Variants in RIN2 observed in about 807,000 individuals in gnomAD.
The protein encoded by RIN2 is Ras and Rab interactor 2.
RIN2 carries 36 observed loss-of-function variants against 78.0 expected under a neutral mutation model. The ratio of observed to expected loss-of-function variants is 0.46; its 90% CI spans 0.35 to 0.61. RIN2 has a LOEUF of 0.61. Among genes scored for constraint, RIN2 ranks in the 20% least tolerant of loss-of-function variants. The pLI is 0.00. For synonymous variants in RIN2, 466 were observed against 466.8 expected (o/e 1.00, Z 0.02); for missense variants, 1,087 against 1,159.7 (o/e 0.94, Z 0.91).
intron 2 of RIN2, among the ~76,000 whole-genome samples, chr20:19,874,343 C>T (rs1287712708): frequency 6.6e-6 from 1 of 152,172 alleles, no homozygotes; most frequent in African/African-American, 2.4e-5. Context: ...TGACCAGGGG[C>T]TAGCAGGAAC....
intron 1 of RIN2, among the ~76,000 whole-genome samples, chr20:19,769,158 G>A (rs2034016069): frequency 6.6e-6 from 1 of 152,148 alleles, no homozygotes; most frequent in South Asian, 2.1e-4. Flanking sequence ...CTGACCTCAG[G>A]TGATCCACGC....
intron 1 of RIN2, among the ~76,000 whole-genome samples, chr20:19,787,657 A>G (rs889587173): frequency 6.6e-6 from 1 of 152,134 alleles, no homozygotes; most frequent in East Asian, 1.9e-4. Context: ...CAAGGATTGG[A>G]TGAAATAATA....
rs775991586 is a variant in RIN2, at chr20:19,950,884, CTT to C, written c.159-5717_159-5716del. ...GCACACCCCACTGTGCCTGGCTAACCTTTTTTTTTTTTTTTCTTTTTTTGGGA... is the reference window on the plus strand; with the variant it reads ...GCACACCCCACTGTGCCTGGCTAACCTTTTTTTTTTTTTCTTTTTTTGGGA... On this transcript the variant is annotated intron_variant, in intron 4 of 12. Coordinates refer to ENST00000255006, the MANE Select transcript of RIN2 (RefSeq NM_018993.4). Among the ~76,000 whole-genome samples, 6 of 116,516 alleles carry C rather than the reference CTT, an allele frequency of 5.1e-5. No homozygotes were observed. The South Asian group carries it at 1.4e-3, about 26-fold the overall frequency. The allele number at this position is 116,516 out of a possible 152,430, so 76.4% of individuals were successfully genotyped here. A position where few individuals can be genotyped will look rare whatever the true frequency, so the allele number is the denominator to read the frequency against.
rs564713068 is a variant in RIN2, at chr20:19,972,960, T to C, written c.629-1694T>C. 2.0e-5 allele frequency among the ~76,000 whole-genome samples: 3 copies of C among 152,306 alleles called. No homozygotes were observed. In the South Asian group the frequency reaches 6.2e-4, roughly 32 times the overall value. On this transcript the variant is annotated intron_variant, in intron 8 of 12. Transcript: ENST00000255006. Reference sequence around the variant, plus strand: ...CATTATAATTTCTACATGCAGCCAATATAAAAAATTTTAAGGTATGAAATG... The same window carrying C: ...CATTATAATTTCTACATGCAGCCAACATAAAAAATTTTAAGGTATGAAATG...
At chr20:19,760,567 A>G (rs868588706) in intron 1 of RIN2, among the ~76,000 whole-genome samples, 1 of 152,106 alleles carries the variant, frequency 6.6e-6, no homozygotes. Context: ...CAGGACTTCC[A>G]CTTTCCAGAA....
intron 1 of RIN2, among the ~76,000 whole-genome samples, chr20:19,783,513 C>A (rs1469747670): frequency 6.6e-6 from 1 of 152,152 alleles, no homozygotes; most frequent in Non-Finnish European, 1.5e-5. Context: ...CCTGTCCAGG[C>A]AAAGGCTCTG....
In RIN2 at chr20:19,975,410, A is replaced by G; in HGVS notation, c.1385A>G (p.Glu462Gly). The change falls in exon 9 of 13, where the codon GAG becomes GGG. Residue 462 changes from glutamate (E) to glycine (G), a missense_variant. Around this residue, in one of 8 missense-constraint regions of RIN2, gnomAD observed 706 missense variants for 667.5 expected, o/e 1.06. Coordinates refer to ENST00000255006, the MANE Select transcript of RIN2 (RefSeq NM_018993.4). This position sits in a 1 kb window ranked among gnomAD's most constrained non-coding sequence, Gnocchi z 4.9. ...GAGGCGGACACCAACAGCAGCCTGG[A>G]GGACTACGAGGGGGAAAGTGACCAA... is the stretch of plus-strand genomic sequence containing the variant. ...GYEADTNSSL[E>G]DYEGESDQET... 1 of 1,614,062 alleles carries G rather than the reference A, an allele frequency of 6.2e-7. No homozygotes were observed. Among genetic ancestry groups the G allele is most frequent in the Non-Finnish European group, 8.5e-7 (1 of 1,179,904 alleles).
intron 2 of RIN2, among the ~76,000 whole-genome samples, chr20:19,831,581 C>T (rs1445986976): frequency 1.3e-5 from 2 of 151,986 alleles, no homozygotes; most frequent in Non-Finnish European, 1.5e-5. Context: ...GAAGAGTAGA[C>T]CGAGATTGTT....
intron 1 of RIN2, among the ~76,000 whole-genome samples, chr20:19,781,280 C>T (rs1209842495): frequency 6.6e-6 from 1 of 152,156 alleles, no homozygotes; most frequent in African/African-American, 2.4e-5. Context: ...GATGGATGCT[C>T]AGTGGGCAGT....
intron 1 of RIN2, among the ~76,000 whole-genome samples, chr20:19,782,314 C>T (rs891438531): frequency 5.9e-5 from 9 of 152,120 alleles, no homozygotes; most frequent in Non-Finnish European, 1.2e-4. Context: ...CCTGTAATCC[C>T]GGCACTTTGG....
chr20:19,796,956 T>A (rs966727126), intron 1 of RIN2, among the ~76,000 whole-genome samples: 14 of 152,274 alleles, frequency 9.2e-5, no homozygotes, highest in African/African-American at 3.4e-4. Flanking sequence ...TTCCCCAAAG[T>A]GAAGGCCAAA....
intron 1 of RIN2, among the ~76,000 whole-genome samples, chr20:19,762,647 A>G (rs551213869): frequency 6.6e-6 from 1 of 152,290 alleles, no homozygotes; most frequent in South Asian, 2.1e-4. Flanking sequence ...TAGAAGGCTG[A>G]TGGGTCATTA....
intron 5 of RIN2, among the ~76,000 whole-genome samples, chr20:19,957,068 T>C (rs1389575503): frequency 6.6e-6 from 1 of 152,058 alleles, no homozygotes; most frequent in Non-Finnish European, 1.5e-5. Flanking sequence ...GGGTAGCGAG[T>C]AGGGGCCACT....
chr20:19,768,586 G>T (rs1568734652), intron 1 of RIN2, among the ~76,000 whole-genome samples: 1 of 152,222 alleles, frequency 6.6e-6, no homozygotes, highest in Non-Finnish European at 1.5e-5. Flanking sequence ...ACAGGGCGTG[G>T]CAGCATTTGC....
chr20:19,997,742 G>A (rs1214119793), intron 12 of RIN2, among the ~76,000 whole-genome samples: 1 of 152,048 alleles, frequency 6.6e-6, no homozygotes. Context: ...CTGGACAACA[G>A]AGTGAGACTT....
At chr20:19,767,661 C>T (rs1054883940) in intron 1 of RIN2, among the ~76,000 whole-genome samples, 25 of 151,874 alleles carry the variant, frequency 1.6e-4, no homozygotes, top group Admixed American at 9.8e-4. Context: ...TGGTGGCTCA[C>T]TCCTGTAATC....
At chr20:19,901,295 T>C (rs947687545) in intron 3 of RIN2, among the ~76,000 whole-genome samples, 6 of 152,030 alleles carry the variant, frequency 3.9e-5, no homozygotes, top group African/African-American at 1.5e-4. Flanking sequence ...TCTTTTTCTG[T>C]CTGCTTTCCC....
intron 2 of RIN2, among the ~76,000 whole-genome samples, chr20:19,840,516 A>T (rs2036547953): frequency 6.6e-6 from 1 of 152,174 alleles, no homozygotes; most frequent in Non-Finnish European, 1.5e-5. Context: ...CCTTCCCCAC[A>T]GTTTATAGGA....
At chr20:19,935,044 G>A in intron 3 of RIN2, 55 bp from the exon 4 acceptor site, 4 of 1,336,592 alleles carry the variant, frequency 3.0e-6, no homozygotes, top group Non-Finnish European at 4.2e-6. Flanking sequence ...CGGGCGCTGT[G>A]GGCATGCCAC....
Sources: allele counts gnomAD v4.1 joint callset (sites outside exome capture counted in the v4.1 genomes callset), GRCh38; gene constraint gnomAD v4.1.1; regional missense constraint gnomAD v4.1.1; non-coding constraint Gnocchi (gnomAD v3.1); transcripts MANE v1.5; gene names NCBI Gene and HGNC (gene_info 2026-07-23, HGNC 2026-07-21).